Variants in SERGEF observed in about 807,000 individuals in gnomAD.
SERGEF encodes secretion regulating guanine nucleotide exchange factor.
In SERGEF, 51 loss-of-function variants were observed where a neutral mutation model predicts 50.0. The observed-to-expected ratio is 1.02, with a 90% confidence interval of 0.81 to 1.29. SERGEF has a LOEUF of 1.29. Ranked by LOEUF, SERGEF falls within the 50% of genes most tolerant of loss-of-function variation. The pLI is 0.00. For missense variants in SERGEF, 521 were observed against 557.0 expected (o/e 0.94, Z 0.65); for synonymous variants, 205 against 212.4 (o/e 0.97, Z 0.30).
chr11:17,956,962 C>T (rs2283237), intron 9 of SERGEF, among the ~76,000 whole-genome samples: 2 of 151,984 alleles, frequency 1.3e-5, no homozygotes, highest in East Asian at 1.9e-4. Context: ...CTCTTGGCCT[C>T]GAGCAAATAC....
At chr11:17,846,928 C>T (rs1406027072) in intron 10 of SERGEF, among the ~76,000 whole-genome samples, 1 of 152,170 alleles carries the variant, frequency 6.6e-6, no homozygotes, top group Non-Finnish European at 1.5e-5. Context: ...CAGGCAAGAG[C>T]CTCTGTGTCT....
rs150479586 is a variant in SERGEF, at chr11:17,801,867, T to G, written c.1049-13454A>C. 4.1e-3 allele frequency among the ~76,000 whole-genome samples: 632 copies of G among 152,302 alleles called. 4 individuals carry two copies. The highest frequency in any genetic ancestry group is 0.015 in the African/African-American group (612 of 41,556). ...AATTTGGTGCCTTCATCACTCTAAATTATAGCTCCTGTTTTTGTTTTTTCT... is the reference window on the plus strand; with the variant it reads ...AATTTGGTGCCTTCATCACTCTAAAGTATAGCTCCTGTTTTTGTTTTTTCT... On this transcript the variant is annotated intron_variant, in intron 10 of 10. Coordinates refer to ENST00000265965, the MANE Select transcript of SERGEF (RefSeq NM_012139.4).
intron 10 of SERGEF, among the ~76,000 whole-genome samples, chr11:17,874,490 A>T (rs944218326): frequency 3.3e-5 from 5 of 152,230 alleles, no homozygotes; most frequent in African/African-American, 1.2e-4. Context: ...GGTGGCAAAG[A>T]CAAAACATGT....
At chr11:17,878,329 A>G in intron 9 of SERGEF, 85 bp from the exon 10 acceptor site, 1 of 1,125,732 alleles carries the variant, frequency 8.9e-7, no homozygotes, top group Non-Finnish European at 1.3e-6. Flanking sequence ...TAATGACACT[A>G]ACATCCATTT....
chr11:17,832,285 A>G (rs958998246), intron 10 of SERGEF, among the ~76,000 whole-genome samples: 1 of 152,184 alleles, frequency 6.6e-6, no homozygotes, highest in Non-Finnish European at 1.5e-5. Flanking sequence ...TGATGGTTTT[A>G]AAAAGAGGCA....
rs768720483 is a variant in SERGEF, at chr11:17,884,259, T to C, written c.1012-6015A>G. Among the ~76,000 whole-genome samples, 1 of 152,128 alleles carries C rather than the reference T, an allele frequency of 6.6e-6. No homozygotes were observed. Among genetic ancestry groups the C allele is most frequent in the Non-Finnish European group, 1.5e-5 (1 of 68,006 alleles). On this transcript the variant is annotated intron_variant, in intron 9 of 10. Transcript: ENST00000265965. This position sits in a 1 kb window ranked among gnomAD's most constrained non-coding sequence, Gnocchi z 4.6. Reference sequence around the variant, plus strand: ...GGAAGGGGAGTAACGGGGTTTAGGTTGGTACGGTACTGGGTTATGCTCTGT... The same window carrying C: ...GGAAGGGGAGTAACGGGGTTTAGGTCGGTACGGTACTGGGTTATGCTCTGT...
chr11:17,877,266 C>T (rs1316334209), intron 10 of SERGEF, among the ~76,000 whole-genome samples: 1 of 152,130 alleles, frequency 6.6e-6, no homozygotes, highest in African/African-American at 2.4e-5. Flanking sequence ...TAACAAGAGT[C>T]CTAAAATATC....
chr11:17,825,037 A>T (rs949133393), intron 10 of SERGEF, among the ~76,000 whole-genome samples: 1 of 152,216 alleles, frequency 6.6e-6, no homozygotes, highest in African/African-American at 2.4e-5. Flanking sequence ...TGGCCTTGTT[A>T]TCTGAAAGTC....
chr11:17,944,144 G>A (rs952803849), intron 9 of SERGEF, among the ~76,000 whole-genome samples: 6 of 152,046 alleles, frequency 3.9e-5, no homozygotes, highest in Non-Finnish European at 8.8e-5. Flanking sequence ...AGCCAGGATG[G>A]TCTCCATCTC....
chr11:17,811,739 C>T (rs1849877972), intron 10 of SERGEF, among the ~76,000 whole-genome samples: 1 of 152,292 alleles, frequency 6.6e-6, no homozygotes, highest in Admixed American at 6.5e-5. Context: ...CCAGGGAGCT[C>T]CTAAATGAGC....
intron 9 of SERGEF, among the ~76,000 whole-genome samples, chr11:17,907,866 CT>C (rs1370781447): frequency 6.6e-6 from 1 of 152,148 alleles, no homozygotes; most frequent in African/African-American, 2.4e-5. Flanking sequence ...AAAGGAACTG[CT>C]TGTAGGAGAC....
intron 10 of SERGEF, among the ~76,000 whole-genome samples, chr11:17,829,479 A>AT (rs1850256198): frequency 6.6e-6 from 1 of 152,218 alleles, no homozygotes; most frequent in African/African-American, 2.4e-5. Context: ...TTAAAGTCTG[A>AT]TTCATTAACC....
intron 10 of SERGEF, among the ~76,000 whole-genome samples, chr11:17,826,939 A>G (rs1229871065): frequency 2.6e-3 from 3 of 1,168 alleles, no homozygotes; most frequent in South Asian, 0.025. Context: ...TTCCTTGCTT[A>G]TAAGGATCAC....
intron 10 of SERGEF, among the ~76,000 whole-genome samples, chr11:17,841,690 T>A (rs1429694774): frequency 6.6e-6 from 1 of 152,200 alleles, no homozygotes; most frequent in African/African-American, 2.4e-5. Flanking sequence ...CTGCTTCAAA[T>A]CCTTCTATGA....
chr11:17,846,688 T>C (rs779736829), intron 10 of SERGEF: 6 of 456,182 alleles, frequency 1.3e-5, no homozygotes, highest in East Asian at 6.9e-5. Flanking sequence ...ATCTTGAGTA[T>C]ATCTCTTAAT....
At chr11:17,958,661 T>A (rs1246669244) in intron 9 of SERGEF, among the ~76,000 whole-genome samples, 1 of 152,162 alleles carries the variant, frequency 6.6e-6, no homozygotes, top group African/African-American at 2.4e-5. Context: ...ACCTCATAAC[T>A]GTCCTGCCAG....
At chr11:17,970,680 G>A (rs904909279) in intron 8 of SERGEF, among the ~76,000 whole-genome samples, 3 of 152,172 alleles carry the variant, frequency 2.0e-5, no homozygotes, top group African/African-American at 7.2e-5. Flanking sequence ...TTCGCTAGTG[G>A]ACACCCTAAT....
intron 10 of SERGEF, among the ~76,000 whole-genome samples, chr11:17,865,259 T>C (rs1851000647): frequency 6.6e-6 from 1 of 152,228 alleles, no homozygotes; most frequent in African/African-American, 2.4e-5. Flanking sequence ...CTTCTAGTCA[T>C]ATAAAAGTCT....
At chr11:17,894,746 A>C (rs945812710) in intron 9 of SERGEF, among the ~76,000 whole-genome samples, 3 of 152,142 alleles carry the variant, frequency 2.0e-5, no homozygotes, top group African/African-American at 7.2e-5. Flanking sequence ...ATGACACTGA[A>C]TTTATCTCTG....
Sources: gnomAD v4.1 joint callset for allele counts (sites outside exome capture counted in the v4.1 genomes callset) on GRCh38, gnomAD v4.1.1 for gene constraint, Gnocchi (gnomAD v3.1) non-coding constraint, MANE v1.5 for transcripts, NCBI Gene and HGNC (gene_info 2026-07-23, HGNC 2026-07-21) for gene names.